GATAD2A: variants seen among roughly 807,000 people sequenced by gnomAD.
The protein encoded by GATAD2A is GATA zinc finger domain containing 2A.
GATAD2A carries 12 observed loss-of-function variants against 68.5 expected under a neutral mutation model. The ratio of observed to expected loss-of-function variants is 0.18; its 90% CI spans 0.11 to 0.28. The LOEUF (loss-of-function observed/expected upper bound fraction) is 0.28, where lower values mean the gene tolerates loss of function less well. GATAD2A is among the 10% of genes least tolerant of loss of function. The probability of loss-of-function intolerance (pLI) is 1.00; values close to 1 mark genes in which losing one functional copy is unlikely to be tolerated. For synonymous variants in GATAD2A, 410 were observed against 375.3 expected (o/e 1.09, Z -1.07); for missense variants, 755 against 868.5 (o/e 0.87, Z 1.64).
In GATAD2A at chr19:19,451,933, G is replaced by A. The variant is rs190656134; in HGVS notation, c.-6-13407G>A. 9.9e-5 allele frequency among the ~76,000 whole-genome samples: 15 copies of A among 152,272 alleles called. No homozygotes were observed. The East Asian group carries it at 2.3e-3, about 24-fold the overall frequency. ...CGATCATTGCAGCCTTGAACCCATG[G>A]ACTCAAGTGAGCCTCCCTCCTTGGC... On this transcript the variant is annotated intron_variant, in intron 1 of 11. Coordinates refer to ENST00000683918, the MANE Select transcript of GATAD2A (RefSeq NM_001384528.1).
chr19:19,498,525 C>T lies in GATAD2A; in HGVS notation c.1007C>T (p.Thr336Ile), dbSNP rs1600296974. ...CCCACTAGTGTGGCCTCTGTGGTCA[C>T]CTCTGCCGAGTCTCCAGCAAGCCGA... ...STPTSVASVV[T>I]SAESPASRQA... Residue 336 changes from threonine (T) to isoleucine (I), a missense_variant, in exon 8 of 12, where the codon ACC becomes ATC. Coordinates refer to ENST00000683918, the MANE Select transcript of GATAD2A (RefSeq NM_001384528.1). The T allele has an allele frequency of 6.2e-7, 1 of 1,613,902 alleles. No homozygotes were observed. The highest frequency in any genetic ancestry group is 8.5e-7 in the Non-Finnish European group (1 of 1,179,996).
chr19:19,424,377 G>T (rs2052805883), intron 1 of GATAD2A, among the ~76,000 whole-genome samples: 1 of 152,116 alleles, frequency 6.6e-6, no homozygotes, highest in African/African-American at 2.4e-5. Context: ...CCATAGGCAT[G>T]AGCCAGCATG....
chr19:19,479,668 C>T (rs1418096988), intron 2 of GATAD2A, among the ~76,000 whole-genome samples: 1 of 152,086 alleles, frequency 6.6e-6, no homozygotes, highest in African/African-American at 2.4e-5. Flanking sequence ...GTGCTCTTCT[C>T]GTCACATCAT....
intron 1 of GATAD2A, among the ~76,000 whole-genome samples, chr19:19,407,074 A>T (rs983916908): frequency 2.0e-5 from 3 of 152,176 alleles, no homozygotes; most frequent in Non-Finnish European, 1.5e-5. Context: ...TGGAGTACAT[A>T]GTGCTGGTTA....
chr19:19,492,033 G>A (rs2059827688), intron 2 of GATAD2A, among the ~76,000 whole-genome samples: 1 of 152,230 alleles, frequency 6.6e-6, no homozygotes, highest in African/African-American at 2.4e-5. Flanking sequence ...ATGCTCAGGG[G>A]CATACGCACC....
At chr19:19,424,708 G>A (rs1267138157) in intron 1 of GATAD2A, among the ~76,000 whole-genome samples, 1 of 152,150 alleles carries the variant, frequency 6.6e-6, no homozygotes, top group African/African-American at 2.4e-5. Flanking sequence ...CACACCTGTG[G>A]TTGGGGTCTG....
At chr19:19,407,948 C>T (rs2050466394) in intron 1 of GATAD2A, among the ~76,000 whole-genome samples, 1 of 152,204 alleles carries the variant, frequency 6.6e-6, no homozygotes, top group African/African-American at 2.4e-5. Context: ...ATGAAGATTG[C>T]TTCTCATCTT....
intron 8 of GATAD2A, among the ~76,000 whole-genome samples, chr19:19,500,637 C>T (rs2060465337): frequency 6.6e-6 from 1 of 152,230 alleles, no homozygotes; most frequent in Non-Finnish European, 1.5e-5. Context: ...CAGCCCAAGG[C>T]CTGGGGCCTA....
intron 2 of GATAD2A, among the ~76,000 whole-genome samples, chr19:19,470,579 TC>T (rs2148092385): frequency 6.6e-6 from 1 of 152,344 alleles, no homozygotes; most frequent in East Asian, 1.9e-4. Context: ...TGGTAGAACA[TC>T]TAGACAAAAT....
At chr19:19,430,823 C>A (rs2053638173) in intron 1 of GATAD2A, among the ~76,000 whole-genome samples, 1 of 152,170 alleles carries the variant, frequency 6.6e-6, no homozygotes, top group South Asian at 2.1e-4. Flanking sequence ...CCTCGCTAGC[C>A]TGAGCTTGAG....
chr19:19,461,277 T>C (rs1210167154), intron 1 of GATAD2A, among the ~76,000 whole-genome samples: 1 of 152,216 alleles, frequency 6.6e-6, no homozygotes, highest in Non-Finnish European at 1.5e-5. Context: ...GATGGCATTT[T>C]ATGGTAGAGT....
intron 2 of GATAD2A, among the ~76,000 whole-genome samples, chr19:19,480,129 G>A (rs1178605011): frequency 1.3e-5 from 2 of 152,020 alleles, no homozygotes; most frequent in African/African-American, 4.8e-5. Flanking sequence ...TTGAGGAATG[G>A]GGACTCATGC....
intron 2 of GATAD2A, among the ~76,000 whole-genome samples, chr19:19,466,535 G>C (rs1248216252): frequency 1.3e-5 from 2 of 152,198 alleles, no homozygotes; most frequent in African/African-American, 4.8e-5. Context: ...TCCCGTGTCA[G>C]CTAACCCCAC....
chr19:19,503,644 C>CTGTGTGTGTGTGTGTGTG (rs58706182), intron 11 of GATAD2A, among the ~76,000 whole-genome samples: 3 of 148,716 alleles, frequency 2.0e-5, no homozygotes, highest in East Asian at 2.0e-4. Flanking sequence ...CATCTGGAAG[C>CTGTGTGTGTGTGTGTGTG]TGTGTGTGTG....
intron 2 of GATAD2A, among the ~76,000 whole-genome samples, chr19:19,490,447 A>G (rs1049547022): frequency 1.3e-5 from 2 of 152,140 alleles, no homozygotes; most frequent in African/African-American, 2.4e-5. Flanking sequence ...GACTCTCCTC[A>G]ACCCTGCCGG....
At chr19:19,488,955 A>G (rs2059613753) in intron 2 of GATAD2A, among the ~76,000 whole-genome samples, 1 of 152,184 alleles carries the variant, frequency 6.6e-6, no homozygotes, top group African/African-American at 2.4e-5. Context: ...CATCCCTCTC[A>G]GCATGTTGGG....
intron 1 of GATAD2A, among the ~76,000 whole-genome samples, chr19:19,409,460 GT>G (rs1169237244): frequency 6.6e-6 from 1 of 152,152 alleles, no homozygotes; most frequent in Non-Finnish European, 1.5e-5. Context: ...CAATGTCATA[GT>G]TTGAGGCATA....
chr19:19,435,277 AG>A (rs1486962345), intron 1 of GATAD2A: 1 of 379,510 alleles, frequency 2.6e-6, no homozygotes, highest in African/African-American at 2.1e-5. Flanking sequence ...GTTGGAGTGC[AG>A]TGGTGTGGGA....
chr19:19,411,784 T>C (rs1452952825), intron 1 of GATAD2A, among the ~76,000 whole-genome samples: 2 of 152,212 alleles, frequency 1.3e-5, no homozygotes, highest in Non-Finnish European at 2.9e-5. Context: ...CCTCTCCATT[T>C]ACCTCAGAGC....
Sources: allele counts gnomAD v4.1 joint callset (sites outside exome capture counted in the v4.1 genomes callset), GRCh38; gene constraint gnomAD v4.1.1; transcripts MANE v1.5; gene names NCBI Gene and HGNC (gene_info 2026-07-23, HGNC 2026-07-21).